The following MORC1 variants were observed in gnomAD, a reference collection of about 807,000 sequenced individuals.
MORC1 encodes MORC family CW-type zinc finger protein 1.
A neutral mutation model predicts 134.9 loss-of-function variants in MORC1; 59 were observed. The ratio of observed to expected loss-of-function variants is 0.44; its 90% CI spans 0.35 to 0.54. The LOEUF is 0.54. MORC1 is among the 20% of genes least tolerant of loss of function. The pLI is 0.00. For synonymous variants in MORC1, 395 were observed against 391.7 expected, an observed-to-expected ratio of 1.01 and a Z score of -0.10; for missense variants, 947 against 1,134.5, an observed-to-expected ratio of 0.83 and a Z score of 2.37.
intron 8 of MORC1, among the ~76,000 whole-genome samples, chr3:109,082,647 C>A (rs1203806931): frequency 6.6e-6 from 1 of 151,948 alleles, no homozygotes; most frequent in African/African-American, 2.4e-5. Flanking sequence ...CTAAAAAATT[C>A]ATTCAAGGCT....
intron 8 of MORC1, among the ~76,000 whole-genome samples, chr3:109,087,428 A>C (rs1391710915): frequency 6.6e-6 from 1 of 152,146 alleles, no homozygotes; most frequent in African/African-American, 2.4e-5. Flanking sequence ...CTATACATTA[A>C]CAACAGCCAA....
rs189299889 is a variant in MORC1, at chr3:108,969,648, T to C, written c.2604+21A>G. The C allele has an allele frequency of 9.4e-6, 15 of 1,602,142 alleles. No homozygotes were observed. The Admixed American group carries it at 1.8e-4, about 20-fold the overall frequency. ...ACAGGATCATTTAGAATATAAATGG[T>C]GATACTGAAAGGAAGCTTACCTGGT... On this transcript the variant is annotated intron_variant, in intron 26 of 27. Transcript: ENST00000232603.
intron 12 of MORC1, among the ~76,000 whole-genome samples, chr3:109,057,990 T>C (rs1177659548): frequency 6.6e-6 from 1 of 152,168 alleles, no homozygotes; most frequent in African/African-American, 2.4e-5. Flanking sequence ...ATAAAGCAAG[T>C]TTACAAGGGC....
intron 17 of MORC1, among the ~76,000 whole-genome samples, chr3:109,025,094 A>C (rs1486505533): frequency 1.3e-5 from 2 of 152,204 alleles, no homozygotes; most frequent in Non-Finnish European, 2.9e-5. Flanking sequence ...TAATTACCAT[A>C]TTATAACTAT....
chr3:109,062,148 GA>G, intron 10 of MORC1, 90 bp from the exon 11 acceptor site: 16 of 1,115,590 alleles, frequency 1.4e-5, no homozygotes, highest in Non-Finnish European at 2.0e-5. Context: ...CATGACCAGT[GA>G]AAAAGGCATA....
chr3:109,054,876 G>A lies in MORC1; in HGVS notation c.1182C>T (p.Gly394=), dbSNP rs7631480. ...GSQLKLKSLL[G]AGVVGIVNIP... The stretch of plus-strand genomic sequence containing the variant: ...TATTAACAATTCCAACCACGCCTGC[G>A]CCAAGTCTGAGAAAATATATGCATA... Residue 394 remains glycine (G), a synonymous_variant, in exon 14 of 28, where the codon GGC becomes GGT. Coordinates refer to ENST00000232603, the MANE Select transcript of MORC1 (RefSeq NM_014429.4). 732 of 1,594,622 alleles carry A rather than the reference G, an allele frequency of 4.6e-4. 2 individuals carry two copies. In the African/African-American group the frequency reaches 8.1e-3, roughly 18 times the overall value.
chr3:108,959,752 T>C (rs1052852077), intron 27 of MORC1, among the ~76,000 whole-genome samples: 4 of 152,168 alleles, frequency 2.6e-5, no homozygotes, highest in African/African-American at 4.8e-5. Flanking sequence ...TTCAAAAATT[T>C]TGAACAAAAA....
intron 10 of MORC1, 99 bp downstream of exon 10, chr3:109,063,053 C>T: frequency 1.2e-6 from 1 of 803,908 alleles, no homozygotes; most frequent in Non-Finnish European, 2.0e-6. Context: ...GTAGTAGCTC[C>T]TACAATGCCT....
At chr3:109,026,863 G>C (rs1949087753) in intron 17 of MORC1, among the ~76,000 whole-genome samples, 1 of 152,130 alleles carries the variant, frequency 6.6e-6, no homozygotes, top group Non-Finnish European at 1.5e-5. Flanking sequence ...TAAGACTCCA[G>C]GGTAAAAAGG....
At chr3:108,999,587 T>C (rs944205445) in intron 21 of MORC1, among the ~76,000 whole-genome samples, 5 of 152,184 alleles carry the variant, frequency 3.3e-5, no homozygotes, top group Non-Finnish European at 7.3e-5. Flanking sequence ...ACAAGTGCAA[T>C]TTAAACCTAA....
At chr3:109,049,184 G>T (rs1217236625) in intron 14 of MORC1, 9 of 983,302 alleles carry the variant, frequency 9.2e-6, no homozygotes, top group Non-Finnish European at 1.1e-5. Flanking sequence ...CCCTTTCTGA[G>T]ATCTTAGAGA....
intron 14 of MORC1, among the ~76,000 whole-genome samples, chr3:109,043,349 TTAGAG>T (rs1949605777): frequency 1.3e-5 from 2 of 152,112 alleles, no homozygotes; most frequent in Non-Finnish European, 1.5e-5. Context: ...CATGAGGTAC[TTAGAG>T]TAGTCAAAAT....
At chr3:109,117,387 G>A (rs917922227) in intron 1 of MORC1, among the ~76,000 whole-genome samples, 2 of 149,254 alleles carry the variant, frequency 1.3e-5, no homozygotes, top group Non-Finnish European at 3.0e-5. Context: ...GTTCCACTGT[G>A]AATTAAATAG....
Position 109,069,793 on chromosome 3 carries a change from G to A in MORC1, c.690-36C>T, listed in dbSNP as rs755243681. On this transcript the variant is annotated intron_variant, in intron 8 of 27. Coordinates refer to ENST00000232603, the MANE Select transcript of MORC1 (RefSeq NM_014429.4). Reference sequence around the variant, plus strand: ...AAATACAAAATGTCACAATACAGAGGACACAACAACTACATCTCTTTGAGA... The same window carrying A: ...AAATACAAAATGTCACAATACAGAGAACACAACAACTACATCTCTTTGAGA... 1.1e-5 allele frequency: 17 copies of A among 1,571,478 alleles called. No homozygotes were observed. In the South Asian group the frequency reaches 1.3e-4, roughly 12 times the overall value.
At chr3:109,047,847 G>C (rs1451551746) in intron 14 of MORC1, among the ~76,000 whole-genome samples, 3 of 152,134 alleles carry the variant, frequency 2.0e-5, no homozygotes, top group African/African-American at 7.2e-5. Flanking sequence ...AGAAGTATTA[G>C]AGCTGATGAA....
At chr3:109,105,643 C>T (rs1951017736) in intron 3 of MORC1, among the ~76,000 whole-genome samples, 1 of 149,904 alleles carries the variant, frequency 6.7e-6, no homozygotes, top group African/African-American at 2.5e-5. Context: ...CACACCACTG[C>T]ACTCCAGCCT....
At chr3:109,047,388 A>C (rs1185280948) in intron 14 of MORC1, among the ~76,000 whole-genome samples, 2 of 152,108 alleles carry the variant, frequency 1.3e-5, no homozygotes, top group African/African-American at 4.8e-5. Flanking sequence ...TACGGCTGAG[A>C]TCCTCGGAGA....
At chr3:109,083,331 G>A (rs1044791182) in intron 8 of MORC1, among the ~76,000 whole-genome samples, 6 of 144,876 alleles carry the variant, frequency 4.1e-5, no homozygotes, top group Non-Finnish European at 7.5e-5. Context: ...AAACCTTTTC[G>A]AGATACAAGA....
At position 109,057,384 on chromosome 3, in the gene MORC1, T is replaced by G; in HGVS notation, c.1134A>C (p.Lys378Asn). Residue 378 changes from lysine to asparagine, a missense_variant, in exon 13 of 28, where the codon AAA becomes AAC. By Grantham distance (94) the Lys-to-Asn change is moderately conservative (BLOSUM62 0). This residue lies in a region of MORC1 where 722 missense variants were observed against 817.0 expected (regional missense o/e 0.88). Coordinates refer to ENST00000232603, the MANE Select transcript of MORC1 (RefSeq NM_014429.4). ...ACTGTGAGCCCACTTTTTCATGCAT[T>G]TTGATCAAACGGTTATTACTGTAAA... ...MFIYSNNRLIKMHEKVGSQLK... is the reference protein window; with the variant it reads ...MFIYSNNRLINMHEKVGSQLK... 6.2e-7 allele frequency: 1 copy of G among 1,611,084 alleles called. No homozygotes were observed. Among genetic ancestry groups the G allele is most frequent in the Non-Finnish European group, 8.5e-7 (1 of 1,178,540 alleles).
Sources: gnomAD v4.1 joint callset for allele counts (sites outside exome capture counted in the v4.1 genomes callset) on GRCh38, gnomAD v4.1.1 for gene constraint, gnomAD v4.1.1 regional missense constraint, MANE v1.5 for transcripts, NCBI Gene and HGNC (gene_info 2026-07-23, HGNC 2026-07-21) for gene names.